KIAA1671: variants seen among roughly 807,000 people sequenced by gnomAD.
KIAA1671 encodes uncharacterized protein KIAA1671.
In KIAA1671, 52 loss-of-function variants were observed where a neutral mutation model predicts 131.2. That is an observed-to-expected ratio of 0.40 (90% CI 0.32 to 0.50). The LOEUF (loss-of-function observed/expected upper bound fraction) is 0.50, where lower values mean the gene tolerates loss of function less well. KIAA1671 is among the 20% of genes least tolerant of loss of function. The pLI, the probability that KIAA1671 is intolerant of heterozygous loss-of-function variation, is 0.73. For missense variants in KIAA1671, 2,360 were observed against 2,364.2 expected, an observed-to-expected ratio of 1.00 and a Z score of 0.04; for synonymous variants, 1,003 against 961.6, an observed-to-expected ratio of 1.04 and a Z score of -0.80.
chr22:25,015,227 T>C (rs1178881613), intron 1 of KIAA1671, among the ~76,000 whole-genome samples: 13 of 115,822 alleles, frequency 1.1e-4, no homozygotes, highest in Non-Finnish European at 2.1e-4. Context: ...CCTTGTCCCT[T>C]AAAAAAAAAA....
Position 25,193,038 on chromosome 22 carries a change from G to A in KIAA1671, c.*637G>A, listed in dbSNP as rs1250462174. 1 of 151,874 alleles carries A rather than the reference G, an allele frequency of 6.6e-6. No homozygotes were observed. Among genetic ancestry groups the A allele is most frequent in the Non-Finnish European group, 1.5e-5 (1 of 67,992 alleles). The allele number at this position is 151,874 out of a possible 1,614,324, so 9.4% of individuals were successfully genotyped here. On this transcript the variant is annotated 3_prime_UTR_variant, in exon 13 of 13. Transcript: ENST00000358431. ...TTCTAGTGGGGCTGTGTGCATCGTT[G>A]GCCTATGTTATTGTATGTCATTTTT...
At chr22:25,156,423 G>T (rs945334495) in intron 6 of KIAA1671, among the ~76,000 whole-genome samples, 1 of 151,854 alleles carries the variant, frequency 6.6e-6, no homozygotes, top group African/African-American at 2.4e-5. Flanking sequence ...ATATGTGTTT[G>T]TGTGTATATG....
At chr22:24,980,966 C>CA (rs1178024357) in intron 1 of KIAA1671, among the ~76,000 whole-genome samples, 2 of 151,982 alleles carry the variant, frequency 1.3e-5, no homozygotes, top group Non-Finnish European at 2.9e-5. Context: ...AGGCTGGTCT[C>CA]AAACTCCTGA....
At chr22:25,090,735 C>A (rs767971700) in intron 6 of KIAA1671, among the ~76,000 whole-genome samples, 3 of 150,800 alleles carry the variant, frequency 2.0e-5, no homozygotes, top group Non-Finnish European at 4.4e-5. Flanking sequence ...ATATTGTTAT[C>A]ATCATTTTAT....
chr22:25,032,164 GT>G (rs1449932968), intron 3 of KIAA1671, among the ~76,000 whole-genome samples: 1 of 152,204 alleles, frequency 6.6e-6, no homozygotes, highest in Admixed American at 6.5e-5. Context: ...TGGGGCTGCT[GT>G]TTTACCTGGC....
At chr22:24,971,320 C>T (rs1326951227) in intron 1 of KIAA1671, among the ~76,000 whole-genome samples, 2 of 152,184 alleles carry the variant, frequency 1.3e-5, no homozygotes, top group Admixed American at 6.5e-5. Flanking sequence ...CAATGAAGGA[C>T]AGCCATAGTG....
chr22:25,003,684 T>A (rs1490316883), intron 1 of KIAA1671, among the ~76,000 whole-genome samples: 2 of 151,056 alleles, frequency 1.3e-5, no homozygotes, highest in East Asian at 2.0e-4. Flanking sequence ...AGTGCTGGGA[T>A]TACAGGCGTG....
chr22:25,181,902 G>A (rs1490775564), intron 10 of KIAA1671, 79 bp downstream of exon 10: 1 of 1,479,300 alleles, frequency 6.8e-7, no homozygotes, highest in Non-Finnish European at 9.1e-7. Flanking sequence ...TTCCGGCTGG[G>A]TGCAGTGGCT....
intron 6 of KIAA1671, among the ~76,000 whole-genome samples, chr22:25,074,591 G>GTATA (rs1332776964): frequency 7.2e-6 from 1 of 137,936 alleles, no homozygotes; most frequent in African/African-American, 3.1e-5. Flanking sequence ...GTGTGTGTGC[G>GTATA]TGTATATATA....
At chr22:25,172,448 C>T (rs1299042085) in intron 7 of KIAA1671, among the ~76,000 whole-genome samples, 1 of 152,202 alleles carries the variant, frequency 6.6e-6, no homozygotes, top group Non-Finnish European at 1.5e-5. Flanking sequence ...CACCTTACAA[C>T]CCTAACATCC....
chr22:25,088,732 C>G (rs1046058189), intron 6 of KIAA1671, among the ~76,000 whole-genome samples: 3 of 152,164 alleles, frequency 2.0e-5, no homozygotes, highest in Non-Finnish European at 4.4e-5. Flanking sequence ...AGAAATTGGT[C>G]TCCCTGCCAT....
chr22:25,048,954 C>T, intron 5 of KIAA1671: 1 of 402,134 alleles, frequency 2.5e-6, no homozygotes, highest in South Asian at 3.3e-5. Context: ...AAGCTGGGTG[C>T]TGTCATCATG....
rs1934737603 is a variant in KIAA1671 at position 25,193,654 on chromosome 22, GTGGAT to G, written c.*1254_*1258del. 6.6e-6 allele frequency: 1 copy of G among 152,200 alleles called. No homozygotes were observed. Among genetic ancestry groups the G allele is most frequent in the Non-Finnish European group, 1.5e-5 (1 of 68,088 alleles). The allele number at this position is 152,200 out of a possible 1,614,324, so 9.4% of individuals were successfully genotyped here. A position where few individuals can be genotyped will look rare whatever the true frequency, so the allele number is the denominator to read the frequency against. The stretch of plus-strand genomic sequence containing the variant: ...TTACCCCTCTTCTCTGTCTTAGTGG[GTGGAT>G]GGGCATGGATAGAAATCCTCTGTTT... On this transcript the variant is annotated 3_prime_UTR_variant, in exon 13 of 13. Coordinates refer to ENST00000358431, the MANE Select transcript of KIAA1671 (RefSeq NM_001145206.2).
At chr22:25,091,367 C>T (rs916238305) in intron 6 of KIAA1671, among the ~76,000 whole-genome samples, 4 of 152,112 alleles carry the variant, frequency 2.6e-5, no homozygotes, top group African/African-American at 9.7e-5. Flanking sequence ...CTGGTCCATT[C>T]TATTTCAAGC....
chr22:25,051,619 C>T (rs6004407), intron 6 of KIAA1671: 35,345 of 152,002 alleles, frequency 0.23, 5,515 homozygotes, highest in African/African-American at 0.45. Context: ...TTCCTCTCCT[C>T]TGCTTTTTTT....
intron 6 of KIAA1671, among the ~76,000 whole-genome samples, chr22:25,163,477 T>C (rs1040670158): frequency 1.4e-5 from 2 of 141,110 alleles, no homozygotes; most frequent in African/African-American, 2.7e-5. Flanking sequence ...AGTCTCACAC[T>C]GTCACCCAGG....
At chr22:25,108,633 T>C (rs112151344) in intron 6 of KIAA1671, among the ~76,000 whole-genome samples, 8 of 152,328 alleles carry the variant, frequency 5.3e-5, no homozygotes, top group African/African-American at 1.9e-4. Flanking sequence ...TTTCCTCACC[T>C]GCATGGTGGA....
At chr22:25,119,189 C>T (rs1011491219) in intron 6 of KIAA1671, among the ~76,000 whole-genome samples, 1 of 152,190 alleles carries the variant, frequency 6.6e-6, no homozygotes, top group African/African-American at 2.4e-5. Flanking sequence ...GTCCTTCATT[C>T]TTGTGTCCAC....
chr22:25,132,858 C>T (rs971801415), intron 6 of KIAA1671, among the ~76,000 whole-genome samples: 10 of 152,076 alleles, frequency 6.6e-5, no homozygotes, highest in African/African-American at 2.2e-4. Context: ...AGTTCGAGAC[C>T]AGCCTGGCCA....
Sources: gnomAD v4.1 joint callset for allele counts (sites outside exome capture counted in the v4.1 genomes callset) on GRCh38, gnomAD v4.1.1 for gene constraint, MANE v1.5 for transcripts, NCBI Gene and HGNC (gene_info 2026-07-23, HGNC 2026-07-21) for gene names.